Variants in LRRC8C observed in about 807,000 individuals in gnomAD.
LRRC8C encodes the protein leucine rich repeat containing 8 VRAC subunit C.
A neutral mutation model predicts 55.3 loss-of-function variants in LRRC8C; 20 were observed. The observed-to-expected ratio is 0.36, with a 90% confidence interval of 0.25 to 0.53. The LOEUF (loss-of-function observed/expected upper bound fraction) is 0.53. Among genes scored for constraint, LRRC8C ranks in the 20% least tolerant of loss-of-function variants. The pLI is 0.92. For synonymous variants in LRRC8C, 376 were observed against 360.7 expected, an observed-to-expected ratio of 1.04 and a Z score of -0.48; for missense variants, 659 against 951.4, an observed-to-expected ratio of 0.69 and a Z score of 4.04.
intron 1 of LRRC8C, among the ~76,000 whole-genome samples, chr1:89,634,316 T>C (rs1023416739): frequency 6.6e-6 from 1 of 152,204 alleles, no homozygotes; most frequent in Non-Finnish European, 1.5e-5. Context: ...AACCAATCCA[T>C]CTTTGTTGGA....
At chr1:89,651,028 T>C (rs10754285) in intron 1 of LRRC8C, among the ~76,000 whole-genome samples, 84,774 of 151,950 alleles carry the variant, frequency 0.56, 24,059 homozygotes, top group East Asian at 0.79. Flanking sequence ...AATAATCCAG[T>C]GATCAAGAAG....
chr1:89,651,135 G>C (rs1656763226), intron 1 of LRRC8C, among the ~76,000 whole-genome samples: 1 of 152,156 alleles, frequency 6.6e-6, no homozygotes, highest in Non-Finnish European at 1.5e-5. Context: ...GGTCTCCAAG[G>C]GAGTTCTGAG....
rs1240215247 is a variant in LRRC8C, at chr1:89,713,555, A to G, written c.985A>G (p.Ile329Val). 1 of 1,614,170 alleles carries G rather than the reference A, an allele frequency of 6.2e-7. No homozygotes were observed. The highest frequency in any genetic ancestry group is 8.5e-7 in the Non-Finnish European group (1 of 1,180,040). The change falls in exon 3 of 3, where the codon ATC becomes GTC. Residue 329 changes from isoleucine (I) to valine (V), a missense_variant. Transcript: ENST00000370454. This position sits in a 1 kb window ranked among gnomAD's most constrained non-coding sequence, Gnocchi z 5.2. ...CTTTTGCTATCTGTGCTTTGTTAGT[A>G]TCTATGGATTGACGTGCCTTTATAC... ...LSFCYLCFVS[I>V]YGLTCLYTLY... is the part of the protein sequence containing the mutation.
intron 1 of LRRC8C, among the ~76,000 whole-genome samples, chr1:89,640,835 T>TGTG (rs1656435415): frequency 1.3e-5 from 2 of 152,192 alleles, no homozygotes; most frequent in Non-Finnish European, 2.9e-5. Context: ...GACTTTGTGG[T>TGTG]GTATAGAGTG....
intron 1 of LRRC8C, among the ~76,000 whole-genome samples, chr1:89,658,283 A>G (rs763745987): frequency 5.3e-5 from 8 of 152,214 alleles, no homozygotes; most frequent in Non-Finnish European, 8.8e-5. Context: ...TCATATAAGC[A>G]TGTTAAATAT....
chr1:89,713,452 T>C lies in LRRC8C; in HGVS notation c.882T>C (p.Asn294=), dbSNP rs1165763814. The change falls in exon 3 of 3, where the codon AAT becomes AAC. Residue 294 remains asparagine (N), a synonymous_variant. Coordinates refer to ENST00000370454, the MANE Select transcript of LRRC8C (RefSeq NM_032270.5). This position sits in a 1 kb window ranked among gnomAD's most constrained non-coding sequence, Gnocchi z 5.2. Reference sequence around the variant, plus strand: ...AGGTCCAGTTTACAGTGGACTGTAATGTGGACATTCAGGACATGACTGGAT... The same window carrying C: ...AGGTCCAGTTTACAGTGGACTGTAACGTGGACATTCAGGACATGACTGGAT... The part of the protein sequence containing the change: ...VSKVQFTVDC[N]VDIQDMTGYK... The C allele has an allele frequency of 1.2e-5, 19 of 1,614,048 alleles. No individual in the cohort carries two copies. Among genetic ancestry groups the C allele is most frequent in the Non-Finnish European group, 1.5e-5 (18 of 1,180,022 alleles).
upstream of LRRC8C, among the ~76,000 whole-genome samples, chr1:89,630,573 T>C (rs1467476864): frequency 6.6e-6 from 1 of 152,252 alleles, no homozygotes; most frequent in Non-Finnish European, 1.5e-5. Flanking sequence ...ACAGAGTCTG[T>C]GCACCCAGTT....
chr1:89,698,658 G>C (rs1658236346), intron 2 of LRRC8C, among the ~76,000 whole-genome samples: 2 of 151,920 alleles, frequency 1.3e-5, no homozygotes, highest in African/African-American at 4.8e-5. Context: ...AGAAATCTAA[G>C]TTTTAATGCA....
chr1:89,713,571 G>C lies in LRRC8C; in HGVS notation c.1001G>C (p.Cys334Ser), dbSNP rs763818312. 1 of 1,614,104 alleles carries C rather than the reference G, an allele frequency of 6.2e-7. No individual in the cohort carries two copies. The highest frequency in any genetic ancestry group is 1.1e-5 in the South Asian group (1 of 91,076). Residue 334 changes from cysteine to serine, a missense_variant, in exon 3 of 3, where the codon TGC becomes TCC. Transcript: ENST00000370454. This position sits in a 1 kb window ranked among gnomAD's most constrained non-coding sequence, Gnocchi z 5.2. ...TTTGTTAGTATCTATGGATTGACGT[G>C]CCTTTATACCTTATACTGGCTGTTC... Reference protein sequence around the residue: ...LCFVSIYGLTCLYTLYWLFYR... With the variant: ...LCFVSIYGLTSLYTLYWLFYR...
chr1:89,647,955 G>C (rs898910233), intron 1 of LRRC8C, among the ~76,000 whole-genome samples: 2 of 152,184 alleles, frequency 1.3e-5, no homozygotes, highest in African/African-American at 4.8e-5. Context: ...TATGGTTCCA[G>C]CTACTCTGGA....
intron 2 of LRRC8C, among the ~76,000 whole-genome samples, chr1:89,696,676 C>T (rs1313260092): frequency 6.6e-6 from 1 of 152,092 alleles, no homozygotes; most frequent in African/African-American, 2.4e-5. Flanking sequence ...AATGATGACT[C>T]CCTTTAGAAG....
intron 1 of LRRC8C, among the ~76,000 whole-genome samples, chr1:89,642,056 C>T (rs1163215385): frequency 6.6e-6 from 1 of 152,176 alleles, no homozygotes; most frequent in African/African-American, 2.4e-5. Flanking sequence ...TTGCTTCTTT[C>T]ACACTAGAAG....
At chr1:89,633,024 G>GGCTGCCGCTA (rs1347440401), upstream of LRRC8C, 1 of 151,914 alleles carries the variant, frequency 6.6e-6, no homozygotes, top group Non-Finnish European at 1.5e-5. Context: ...GGGCGGCGCT[G>GGCTGCCGCTA]GCTGCCGCTA....
intron 2 of LRRC8C, among the ~76,000 whole-genome samples, chr1:89,698,735 A>ATT (rs11443052): frequency 6.6e-6 from 1 of 151,388 alleles, no homozygotes; most frequent in African/African-American, 2.4e-5. Flanking sequence ...CCAAGGTATG[A>ATT]TTTTTTTTTC....
intron 2 of LRRC8C, among the ~76,000 whole-genome samples, chr1:89,698,122 G>C (rs1289943422): frequency 6.6e-6 from 1 of 152,114 alleles, no homozygotes; most frequent in East Asian, 1.9e-4. Flanking sequence ...TACTCTCTTT[G>C]TGTCTCTTAA....
At chr1:89,680,328 C>T (rs370954166) in intron 1 of LRRC8C, among the ~76,000 whole-genome samples, 4 of 152,096 alleles carry the variant, frequency 2.6e-5, no homozygotes, top group South Asian at 2.1e-4. Context: ...CCGCCCACCT[C>T]GGCCTCCCAA....
At position 89,714,220 on chromosome 1, in the gene LRRC8C, A is replaced by C. The variant is rs746527429; in HGVS notation, c.1650A>C (p.Lys550Asn). 24 of 1,613,958 alleles carry C rather than the reference A, an allele frequency of 1.5e-5. No individual in the cohort carries two copies. The highest frequency in any genetic ancestry group is 2.7e-5 in the African/African-American group (2 of 74,884). Residue 550 changes from lysine (K) to asparagine (N), a missense_variant, in exon 3 of 3, where the codon AAA becomes AAC. Transcript: ENST00000370454. This position sits in a 1 kb window ranked among gnomAD's most constrained non-coding sequence, Gnocchi z 4.6. ...AAAGCCTTAAAATTCTCTCTATCAA[A>C]AGCAACGTTTCCAAAATCCCTCAGG... ...DLKSLKILSI[K>N]SNVSKIPQAV...
At chr1:89,677,698 T>G (rs2101255259) in intron 1 of LRRC8C, among the ~76,000 whole-genome samples, 1 of 152,368 alleles carries the variant, frequency 6.6e-6, no homozygotes, top group African/African-American at 2.4e-5. Context: ...CTGGATGATC[T>G]CTTTGACCTT....
chr1:89,702,728 A>C (rs889074676), intron 2 of LRRC8C, among the ~76,000 whole-genome samples: 1 of 152,180 alleles, frequency 6.6e-6, no homozygotes, highest in Non-Finnish European at 1.5e-5. Flanking sequence ...ATGCTACTGC[A>C]CTCCAGCCTG....
Sources: allele counts gnomAD v4.1 joint callset (sites outside exome capture counted in the v4.1 genomes callset), GRCh38; gene constraint gnomAD v4.1.1; non-coding constraint Gnocchi (gnomAD v3.1); transcripts MANE v1.5; gene names NCBI Gene and HGNC (gene_info 2026-07-23, HGNC 2026-07-21).